GPHN: variants seen among roughly 807,000 people sequenced by gnomAD.
GPHN encodes gephyrin.
Under a neutral mutation model 95.5 loss-of-function variants are expected in GPHN, and 17 were observed. That is an observed-to-expected ratio of 0.18 (90% confidence interval 0.12 to 0.27). GPHN has a LOEUF of 0.27. Ranked by LOEUF, GPHN falls within the 10% of genes least tolerant of loss-of-function variation. The pLI is 1.00. For synonymous variants in GPHN, 320 were observed against 322.5 expected (o/e 0.99, Z 0.08); for missense variants, 660 against 978.1 (o/e 0.67, Z 4.34).
chr14:66,838,577 T>C (rs1456403559), intron 4 of GPHN, among the ~76,000 whole-genome samples: 1 of 152,140 alleles, frequency 6.6e-6, no homozygotes, highest in African/African-American at 2.4e-5. Flanking sequence ...CAGAATACTT[T>C]GGTTTTGCAA....
the GPHN span, among the ~76,000 whole-genome samples, chr14:67,242,475 AT>A: frequency 6.6e-6 from 1 of 152,238 alleles, no homozygotes; most frequent in Non-Finnish European, 1.5e-5. Flanking sequence ...TGTTTTAATG[AT>A]AGTTTACTAA....
chr14:67,267,525 A>G, the GPHN span, among the ~76,000 whole-genome samples: 1 of 151,698 alleles, frequency 6.6e-6, no homozygotes, highest in Non-Finnish European at 1.5e-5. Flanking sequence ...TGCTGGGATT[A>G]TAGGCATGAG....
intron 1 of GPHN, among the ~76,000 whole-genome samples, chr14:66,521,270 T>C (rs2058474654): frequency 6.6e-6 from 1 of 151,998 alleles, no homozygotes; most frequent in African/African-American, 2.4e-5. Flanking sequence ...ATTTTTTTTT[T>C]CTCGTGACAT....
chr14:66,924,196 G>T lies in GPHN; in HGVS notation c.732G>T (p.Lys244Asn). 6.4e-7 allele frequency: 1 copy of T among 1,565,588 alleles called. No homozygotes were observed. The highest frequency in any genetic ancestry group is 8.8e-7 in the Non-Finnish European group (1 of 1,135,882). Residue 244 changes from lysine to asparagine, a missense_variant and splice_region_variant, in exon 8 of 23, where the codon AAG becomes AAT. Transcript: ENST00000478722. ...AGTTGTTATGTGTTGTGCATTAGAA[G>T]CATCCATTCTACACCAGTCCTGCTG... is the stretch of plus-strand genomic sequence containing the variant. ...HITAAAIAAK[K>N]HPFYTSPAVV...
intron 1 of GPHN, among the ~76,000 whole-genome samples, chr14:66,531,477 G>A (rs1188427804): frequency 1.3e-5 from 2 of 152,108 alleles, no homozygotes; most frequent in Non-Finnish European, 2.9e-5. Context: ...GCATCACAAT[G>A]AAACATTCAT....
the GPHN span, chr14:67,589,554 A>G: frequency 3.0e-6 from 3 of 985,456 alleles, no homozygotes; most frequent in Non-Finnish European, 3.6e-6. Context: ...GTTTTGGAAG[A>G]TCTGTTTATT....
chr14:67,214,249 G>C, the GPHN span, among the ~76,000 whole-genome samples: 1 of 152,178 alleles, frequency 6.6e-6, no homozygotes, highest in African/African-American at 2.4e-5. Context: ...CCATGCCTAT[G>C]TCCTGAATGG....
chr14:66,998,766 C>T (rs988498643), intron 9 of GPHN, among the ~76,000 whole-genome samples: 1 of 151,746 alleles, frequency 6.6e-6, no homozygotes, highest in Non-Finnish European at 1.5e-5. Flanking sequence ...AAAAAATAAG[C>T]CTTGCTCAAA....
At chr14:66,521,826 G>C (rs1447008473) in intron 1 of GPHN, among the ~76,000 whole-genome samples, 1 of 152,156 alleles carries the variant, frequency 6.6e-6, no homozygotes, top group East Asian at 1.9e-4. Context: ...GACCACAGCA[G>C]AGGGAACAAG....
chr14:66,866,004 G>A (rs184575682), intron 4 of GPHN, among the ~76,000 whole-genome samples: 3 of 152,118 alleles, frequency 2.0e-5, no homozygotes, highest in African/African-American at 7.2e-5. Context: ...TGTTAGTGGG[G>A]GTAGTCATTT....
the GPHN span, chr14:67,254,358 T>A: frequency 6.6e-6 from 1 of 152,124 alleles, no homozygotes; most frequent in South Asian, 2.1e-4. Flanking sequence ...AGTATAGTTA[T>A]CTTATAGATT....
At chr14:67,600,191 G>A in the GPHN span, 2 of 1,580,624 alleles carry the variant, frequency 1.3e-6, no homozygotes, top group Non-Finnish European at 1.7e-6. Context: ...GAAAAGCTCC[G>A]CTCATCCTCC....
chr14:66,709,033 G>T (rs1186685448), intron 2 of GPHN, among the ~76,000 whole-genome samples: 1 of 151,998 alleles, frequency 6.6e-6, no homozygotes, highest in Non-Finnish European at 1.5e-5. Flanking sequence ...TGGATCCAAA[G>T]ATATTAAAAA....
At chr14:67,089,142 T>TTTTTTTTTTTTG in intron 12 of GPHN, 67 bp downstream of exon 12, 1 of 477,604 alleles carries the variant, frequency 2.1e-6, no homozygotes, top group Non-Finnish European at 3.7e-6. Flanking sequence ...TCTTTTTTTT[T>TTTTTTTTTTTTG]TTTTTTTTTT....
chr14:67,146,477 G>C (rs1475782074), intron 18 of GPHN, among the ~76,000 whole-genome samples: 1 of 152,090 alleles, frequency 6.6e-6, no homozygotes, highest in Non-Finnish European at 1.5e-5. Context: ...ATAACTCAAA[G>C]ACAATGAAAG....
In GPHN at chr14:66,887,552, C is replaced by T. The variant is rs564093805; in HGVS notation, c.389+7519C>T. 3.7e-4 allele frequency among the ~76,000 whole-genome samples: 56 copies of T among 152,128 alleles called. 1 individual carries two copies. The highest frequency in any genetic ancestry group is 6.8e-3 in the Middle Eastern group (2 of 294). On this transcript the variant is annotated intron_variant, in intron 5 of 22. Coordinates refer to ENST00000478722, the MANE Select transcript of GPHN (RefSeq NM_020806.5). ...ATCGTGCCACTGCACTCCAGCCTGG[C>T]GACAGAGCGAGACTCCATCTCAAAA...
the GPHN span, chr14:67,705,920 C>A: frequency 1.3e-5 from 2 of 152,126 alleles, no homozygotes; most frequent in Non-Finnish European, 2.9e-5. Flanking sequence ...AAAAAAATAT[C>A]ATTAACTATG....
chr14:67,439,565 CT>C, the GPHN span, among the ~76,000 whole-genome samples: 4 of 124,474 alleles, frequency 3.2e-5, no homozygotes, highest in South Asian at 2.7e-4. Flanking sequence ...TTCTTTCTTT[CT>C]TTCTTTCTTT....
At chr14:67,175,739 T>C (rs975062698) in intron 21 of GPHN, among the ~76,000 whole-genome samples, 16 of 152,120 alleles carry the variant, frequency 1.1e-4, no homozygotes, top group African/African-American at 3.4e-4. Context: ...TTGTTTGTGT[T>C]CTCTTTTATT....
Sources: gnomAD v4.1 joint callset for allele counts (sites outside exome capture counted in the v4.1 genomes callset) on GRCh38, gnomAD v4.1.1 for gene constraint, MANE v1.5 for transcripts, NCBI Gene and HGNC (gene_info 2026-07-23, HGNC 2026-07-21) for gene names.